The following STK25 variants were observed in gnomAD, a reference collection of about 807,000 sequenced individuals.
STK25 encodes the protein serine/threonine-protein kinase 25.
Under a neutral mutation model 53.8 loss-of-function variants are expected in STK25, and 29 were observed. The ratio of observed to expected loss-of-function variants is 0.54; its 90% CI spans 0.40 to 0.74. The LOEUF is 0.74. Among genes scored for constraint, STK25 ranks in the 30% least tolerant of loss-of-function variants. The pLI, the probability that STK25 is intolerant of heterozygous loss-of-function variation, is 0.00. For synonymous variants in STK25, 247 were observed against 238.3 expected, an observed-to-expected ratio of 1.04 and a Z score of -0.33; for missense variants, 420 against 568.0, an observed-to-expected ratio of 0.74 and a Z score of 2.65.
At chr2:241,505,901 C>T (rs1001431796) in intron 2 of STK25, among the ~76,000 whole-genome samples, 10 of 152,182 alleles carry the variant, frequency 6.6e-5, no homozygotes, top group Non-Finnish European at 1.3e-4. Context: ...GATGATCACT[C>T]GGGCCACTCA....
At chr2:241,499,673 A>C in intron 5 of STK25, 1 of 564,178 alleles carries the variant, frequency 1.8e-6, no homozygotes, top group Non-Finnish European at 3.2e-6. Flanking sequence ...CCCAACGACA[A>C]GCGACTTCGC....
Position 241,501,930 on chromosome 2 carries a change from G to A in STK25, c.31-222C>T, listed in dbSNP as rs983967236. On this transcript the variant is annotated intron_variant, in intron 2 of 11. Coordinates refer to ENST00000316586, the MANE Select transcript of STK25 (RefSeq NM_001271977.2). This position sits in a 1 kb window ranked among gnomAD's most constrained non-coding sequence, Gnocchi z 5.3. ...CGCCTGTAATTCTAGCACTTTGGGA[G>A]GCCGAGGCAGGTGGATCACTTGAGG... The A allele has an allele frequency of 3.3e-5, 16 of 481,034 alleles. No individual in the cohort carries two copies. The South Asian group carries it at 3.5e-4, about 10-fold the overall frequency. 29.8% of individuals were successfully genotyped at this position (481,034 alleles called of 1,614,324 possible).
At position 241,496,441 on chromosome 2, in the gene STK25, T is replaced by C. The variant is rs1171927771; in HGVS notation, c.1198A>G (p.Ile400Val). 6.2e-7 allele frequency: 1 copy of C among 1,613,710 alleles called. No homozygotes were observed. Among genetic ancestry groups the C allele is most frequent in the Admixed American group, 1.7e-5 (1 of 60,004 alleles). The change falls in exon 11 of 12, where the codon ATC becomes GTC. Residue 400 changes from isoleucine to valine, a missense_variant. Physicochemically the swap from Ile to Val is conservative, Grantham distance 29. Transcript: ENST00000316586. The surrounding 1 kb of genome is among the most constrained non-coding windows in gnomAD (Gnocchi z 5.8). ...FSLAEESCPG[I>V]SDKLMVHLVE... Reference sequence around the variant, plus strand: ...AGGTGCACCATCAGCTTGTCTGAGATGCCGGGGCAGGACTCCTCGGCCAGG... The same window carrying C: ...AGGTGCACCATCAGCTTGTCTGAGACGCCGGGGCAGGACTCCTCGGCCAGG...
chr2:241,500,716 C>T, intron 4 of STK25, 24 bp downstream of exon 4: 1 of 1,612,882 alleles, frequency 6.2e-7, no homozygotes, highest in Non-Finnish European at 8.5e-7. Context: ...GCATGACCCC[C>T]CACTGCCATG....
In STK25 at chr2:241,492,947, C is replaced by T; in HGVS notation, c.*2715G>A. 1 of 1,609,368 alleles carries T rather than the reference C, an allele frequency of 6.2e-7. No individual in the cohort carries two copies. Among genetic ancestry groups the T allele is most frequent in the East Asian group, 2.2e-5 (1 of 44,868 alleles). On this transcript the variant is annotated 3_prime_UTR_variant, in exon 12 of 12. Transcript: ENST00000316586. The stretch of plus-strand genomic sequence containing the variant: ...TTGACAGAACCAGCTTTCAGGATAT[C>T]TGCTAAGAAAGTTCAAAAACAGTCA...
Position 241,493,962 on chromosome 2 carries a change from T to C in STK25, c.*1700A>G. On this transcript the variant is annotated 3_prime_UTR_variant, in exon 12 of 12. Coordinates refer to ENST00000316586, the MANE Select transcript of STK25 (RefSeq NM_001271977.2). ...CCTGGGTTGTTCTTGGGACAGTGTC[T>C]GAGCACAAGATGGCTCACTGGTCTG... 8.2e-7 allele frequency: 1 copy of C among 1,214,230 alleles called. No homozygotes were observed. Among genetic ancestry groups the C allele is most frequent in the Non-Finnish European group, 1.1e-6 (1 of 910,580 alleles). 75.2% of individuals were successfully genotyped at this position (1,214,230 alleles called of 1,614,324 possible). A position where few individuals can be genotyped will look rare whatever the true frequency, so the allele number is the denominator to read the frequency against.
At position 241,496,805 on chromosome 2, in the gene STK25, A is replaced by G. The variant is rs2065196075; in HGVS notation, c.1105-271T>C. Among the ~76,000 whole-genome samples, 1 of 152,154 alleles carries G rather than the reference A, an allele frequency of 6.6e-6. No individual in the cohort carries two copies. The highest frequency in any genetic ancestry group is 1.5e-5 in the Non-Finnish European group (1 of 68,004). On this transcript the variant is annotated intron_variant, in intron 10 of 11. Coordinates refer to ENST00000316586, the MANE Select transcript of STK25 (RefSeq NM_001271977.2). The surrounding 1 kb of genome is among the most constrained non-coding windows in gnomAD (Gnocchi z 5.8). ...GGACCTCGGTTCTCAGGAGGGGACC[A>G]GATGGCTTCCTCCCAGCCGAGGGTC...
rs2065056094 is a variant in STK25, at chr2:241,494,636, T to TTTA, written c.*1025_*1026insTAA. 6.6e-6 allele frequency: 1 copy of TTTA among 152,206 alleles called. No individual in the cohort carries two copies. The highest frequency in any genetic ancestry group is 6.5e-5 in the Admixed American group (1 of 15,286). The allele number at this position is 152,206 out of a possible 1,614,324, so 9.4% of individuals were successfully genotyped here. ...AAGTGGCAGCCCCAGGGGCCTGCCC[T>TTTA]GCAGGTCACAGCTAAACAAGTCTGG... On this transcript the variant is annotated 3_prime_UTR_variant, in exon 12 of 12. Transcript: ENST00000316586. The surrounding 1 kb of genome is among the most constrained non-coding windows in gnomAD (Gnocchi z 4.9).
chr2:241,492,789 GC>G lies in STK25; in HGVS notation c.*2872del. ...GTTGGACTTAAGTACTGATAAAGCTGCTGTTCATAGCAGTCCAGAGGTAAAA... is the reference window on the plus strand; with the variant it reads ...GTTGGACTTAAGTACTGATAAAGCTGTGTTCATAGCAGTCCAGAGGTAAAA... On this transcript the variant is annotated 3_prime_UTR_variant, in exon 12 of 12. Coordinates refer to ENST00000316586, the MANE Select transcript of STK25 (RefSeq NM_001271977.2). 1 of 594,094 alleles carries G rather than the reference GC, an allele frequency of 1.7e-6. No homozygotes were observed. Among genetic ancestry groups the G allele is most frequent in the Non-Finnish European group, 3.0e-6 (1 of 330,528 alleles). 36.8% of individuals were successfully genotyped at this position (594,094 alleles called of 1,614,324 possible).
chr2:241,509,324 C>T (rs536623467), upstream of STK25: 3 of 152,378 alleles, frequency 2.0e-5, no homozygotes, highest in Non-Finnish European at 4.4e-5. Context: ...TGCTGGAAGC[C>T]GTCATGGCAC....
chr2:241,504,179 G>A (rs1175555407), intron 2 of STK25: 2 of 465,976 alleles, frequency 4.3e-6, no homozygotes, highest in Non-Finnish European at 8.9e-6. Flanking sequence ...GCCCGGGGGT[G>A]TGCAGGTGGC....
intron 4 of STK25, 133 bp from the exon 5 acceptor site, chr2:241,500,414 A>G (rs927063840): frequency 1.5e-6 from 1 of 661,612 alleles, no homozygotes; most frequent in African/African-American, 1.8e-5. Context: ...CTTCCCAAAC[A>G]GAACTAAGTT....
At chr2:241,508,255 C>T in intron 1 of STK25, 120 bp from the exon 2 acceptor site, 1 of 1,308,686 alleles carries the variant, frequency 7.6e-7, no homozygotes, top group Non-Finnish European at 9.7e-7. Context: ...CGGGGCCCCG[C>T]CACGCCCGGG....
Position 241,493,528 on chromosome 2 carries a change from A to C in STK25, c.*2134T>G. The C allele has an allele frequency of 7.7e-7, 1 of 1,306,934 alleles. No homozygotes were observed. The highest frequency in any genetic ancestry group is 1.1e-6 in the Non-Finnish European group (1 of 910,062). The allele number at this position is 1,306,934 out of a possible 1,614,324, so 81.0% of individuals were successfully genotyped here. On this transcript the variant is annotated 3_prime_UTR_variant, in exon 12 of 12. Transcript: ENST00000316586. ...ATTTCTACTCATGGTGGTGGAGGCA[A>C]GTTTTCTGGGCCCTGGAAAGGAAGG...
chr2:241,497,030 T>A (rs1231571404), intron 10 of STK25, among the ~76,000 whole-genome samples: 1 of 152,120 alleles, frequency 6.6e-6, no homozygotes, highest in African/African-American at 2.4e-5. Context: ...AGTGGCTGCT[T>A]CCCGCTGGGG....
chr2:241,493,723 T>C lies in STK25; in HGVS notation c.*1939A>G. 1 of 517,844 alleles carries C rather than the reference T, an allele frequency of 1.9e-6. No individual in the cohort carries two copies. The highest frequency in any genetic ancestry group is 3.2e-5 in the East Asian group (1 of 30,772). 32.1% of individuals were successfully genotyped at this position (517,844 alleles called of 1,614,324 possible). A position where few individuals can be genotyped will look rare whatever the true frequency, so the allele number is the denominator to read the frequency against. ...GATTCTTCTGCCTCAGCCTCCTGAGTAACTGAGATTACAGGCATGCACGCC... is the reference window on the plus strand; with the variant it reads ...GATTCTTCTGCCTCAGCCTCCTGAGCAACTGAGATTACAGGCATGCACGCC... On this transcript the variant is annotated 3_prime_UTR_variant, in exon 12 of 12. Coordinates refer to ENST00000316586, the MANE Select transcript of STK25 (RefSeq NM_001271977.2).
In STK25 at chr2:241,495,565, G is replaced by C. The variant is rs545264081; in HGVS notation, c.*97C>G. ...GGATCCGACGTGTCCCTGCAGGCAC[G>C]ACATAGCACAGGGCACCTTCCAAGT... On this transcript the variant is annotated 3_prime_UTR_variant, in exon 12 of 12. Transcript: ENST00000316586. The C allele has an allele frequency of 5.0e-6, 7 of 1,403,560 alleles. No homozygotes were observed. The highest frequency in any genetic ancestry group is 1.2e-5 in the South Asian group (1 of 86,190). 86.9% of individuals were successfully genotyped at this position (1,403,560 alleles called of 1,614,324 possible). A position where few individuals can be genotyped will look rare whatever the true frequency, so the allele number is the denominator to read the frequency against.
chr2:241,501,450 A>C lies in STK25; in HGVS notation c.261+28T>G, dbSNP rs763320430. The C allele has an allele frequency of 6.2e-7, 1 of 1,601,932 alleles. No homozygotes were observed. Among genetic ancestry groups the C allele is most frequent in the African/African-American group, 1.3e-5 (1 of 74,758 alleles). ...GAAGAGAGCCGGGCACAGCACCAGC[A>C]GGGTCCCCGCCTCCCCACAACAGGC... On this transcript the variant is annotated intron_variant, in intron 3 of 11. Transcript: ENST00000316586. This position sits in a 1 kb window ranked among gnomAD's most constrained non-coding sequence, Gnocchi z 5.3.
Position 241,496,403 on chromosome 2 carries a change from C to T in STK25, c.1236G>A (p.Val412=), listed in dbSNP as rs1486702814. 1 of 1,613,170 alleles carries T rather than the reference C, an allele frequency of 6.2e-7. No individual in the cohort carries two copies. The highest frequency in any genetic ancestry group is 1.3e-5 in the African/African-American group (1 of 75,006). ...TATGGCACGGCCGCCCTCACCTCTG[C>T]ACTCGCTCCACCAGGTGCACCATCA... ...DKLMVHLVER[V]QRFSHNRNHL... is the part of the protein sequence containing the mutation. The change falls in exon 11 of 12, where the codon GTG becomes GTA. Residue 412 remains valine, a synonymous_variant. Transcript: ENST00000316586. This position sits in a 1 kb window ranked among gnomAD's most constrained non-coding sequence, Gnocchi z 5.8.
Sources: allele counts gnomAD v4.1 joint callset (sites outside exome capture counted in the v4.1 genomes callset), GRCh38; gene constraint gnomAD v4.1.1; non-coding constraint Gnocchi (gnomAD v3.1); transcripts MANE v1.5; gene names NCBI Gene and HGNC (gene_info 2026-07-23, HGNC 2026-07-21).